STXBP2: variants seen among roughly 807,000 people sequenced by gnomAD.
The protein encoded by STXBP2 is syntaxin-binding protein 2.
STXBP2 carries 47 observed loss-of-function variants against 72.2 expected under a neutral mutation model. The observed-to-expected ratio is 0.65, with a 90% CI of 0.51 to 0.83. The LOEUF is 0.83. Among genes scored for constraint, STXBP2 ranks in the 40% least tolerant of loss-of-function variants. The pLI, the probability that STXBP2 is intolerant of heterozygous loss-of-function variation, is 0.00. For synonymous variants in STXBP2, 367 were observed against 338.7 expected (o/e 1.08, Z -0.92); for missense variants, 702 against 807.6 (o/e 0.87, Z 1.58).
rs372697431 is a variant in STXBP2, at chr19:7,639,835, T to C, written c.246+28T>C. Reference sequence around the variant, plus strand: ...GCCTACATGAGTGAGCGTGTGTGTATGCGCGTGCATGCGTGTACATGTGCA... The same window carrying C: ...GCCTACATGAGTGAGCGTGTGTGTACGCGCGTGCATGCGTGTACATGTGCA... On this transcript the variant is annotated intron_variant, in intron 4 of 18. Coordinates refer to ENST00000221283, the MANE Select transcript of STXBP2 (RefSeq NM_006949.4). 6.7e-5 allele frequency: 107 copies of C among 1,605,296 alleles called. No homozygotes were observed. The African/African-American group carries it at 1.3e-3, about 20-fold the overall frequency.
chr19:7,631,260 G>A, the STXBP2 span: 12 of 1,415,994 alleles, frequency 8.5e-6, no homozygotes, highest in East Asian at 2.8e-4. Context: ...GAGCAGAGGA[G>A]TAGATGGTTT....
intron 12 of STXBP2, 24 bp downstream of exon 12, chr19:7,643,072 G>C: frequency 6.2e-7 from 1 of 1,614,150 alleles, no homozygotes; most frequent in Non-Finnish European, 8.5e-7. Context: ...GGCAGGGAGC[G>C]GGGACACCTC....
intron 17 of STXBP2, 36 bp from the exon 18 acceptor site, chr19:7,647,318 C>G: frequency 6.2e-7 from 1 of 1,612,172 alleles, no homozygotes; most frequent in African/African-American, 1.3e-5. Flanking sequence ...GCGGTGAGGG[C>G]CTCCTGCCTG....
At chr19:7,640,426 G>C (rs113069130) in intron 4 of STXBP2, 4 of 631,990 alleles carry the variant, frequency 6.3e-6, no homozygotes, top group South Asian at 1.6e-5. Flanking sequence ...GTGTGCGCGC[G>C]CATCTGTGTG....
At chr19:7,631,037 C>A in the STXBP2 span, 1 of 792,104 alleles carries the variant, frequency 1.3e-6, no homozygotes, top group East Asian at 2.7e-5. Context: ...GGCGAAACCC[C>A]ATGTCTACAG....
chr19:7,641,471 C>T (rs988371670), intron 6 of STXBP2, among the ~76,000 whole-genome samples: 2 of 152,114 alleles, frequency 1.3e-5, no homozygotes, highest in African/African-American at 4.8e-5. Flanking sequence ...CAGGGGGCAG[C>T]GTAGAGCGCA....
rs771186417 is a variant in STXBP2 at position 7,644,736 on chromosome 19, C to T, written c.1230C>T (p.Tyr410=). The T allele has an allele frequency of 4.3e-5, 69 of 1,613,594 alleles. No homozygotes were observed. The highest frequency in any genetic ancestry group is 5.8e-5 in the Non-Finnish European group (68 of 1,179,846). The change falls in exon 14 of 19, where the codon TAC becomes TAT. Residue 410 remains tyrosine (Y), a synonymous_variant. Transcript: ENST00000221283. The part of the protein sequence containing the change: ...AYDKIRVLLL[Y]ILLRNGVSEE... ...ACAAGATCCGGGTCCTGCTGCTCTA[C>T]ATCCTCCTTCGGAATGGTGGGTGGG... is the stretch of plus-strand genomic sequence containing the variant.
chr19:7,630,026 G>A, the STXBP2 span: 1 of 854,726 alleles, frequency 1.2e-6, no homozygotes, highest in Non-Finnish European at 1.7e-6. Context: ...AGGGGACGCT[G>A]GGCTGGGGGG....
Position 7,641,010 on chromosome 19 carries a change from C to T in STXBP2, c.429+7C>T. The T allele has an allele frequency of 6.2e-7, 1 of 1,613,954 alleles. No homozygotes were observed. The highest frequency in any genetic ancestry group is 8.5e-7 in the Non-Finnish European group (1 of 1,179,906). On this transcript the variant is annotated splice_region_variant and intron_variant, in intron 6 of 18. Coordinates refer to ENST00000221283, the MANE Select transcript of STXBP2 (RefSeq NM_006949.4). Reference sequence around the variant, plus strand: ...CCTCCCCTACGAGGCCCAGGTACGGCCCGGGCTCATCCTGGGCAGGGGGTG... The same window carrying T: ...CCTCCCCTACGAGGCCCAGGTACGGTCCGGGCTCATCCTGGGCAGGGGGTG...
In STXBP2 at chr19:7,638,763, T is replaced by G; in HGVS notation, c.75T>G (p.Asp25Glu). Residue 25 changes from aspartate to glutamate, a missense_variant, in exon 2 of 19, where the codon GAT (aspartate) becomes GAG (glutamate). By Grantham distance (45) the Asp-to-Glu change is conservative. Transcript: ENST00000221283. ...LSGVIRSVKKDGEWKVLIMDH... is the reference protein window; with the variant it reads ...LSGVIRSVKKEGEWKVLIMDH... Reference sequence around the variant, plus strand: ...GAGTTATTCGGAGTGTCAAGAAGGATGGGGAGTGGAAGGTAGGGGTGAGGC... The same window carrying G: ...GAGTTATTCGGAGTGTCAAGAAGGAGGGGGAGTGGAAGGTAGGGGTGAGGC... 1 of 1,613,988 alleles carries G rather than the reference T, an allele frequency of 6.2e-7. No homozygotes were observed. The highest frequency in any genetic ancestry group is 8.5e-7 in the Non-Finnish European group (1 of 1,179,986).
At chr19:7,633,304 C>T, upstream of STXBP2, 1 of 1,202,482 alleles carries the variant, frequency 8.3e-7, no homozygotes, top group Non-Finnish European at 1.2e-6. Context: ...TCAGGGGGTC[C>T]TAGGAGACTC....
rs1023767927 is a variant in STXBP2, at chr19:7,641,181, G to C, written c.429+178G>C. 77 of 705,906 alleles carry C rather than the reference G, an allele frequency of 1.1e-4. 2 individuals are homozygous for C. Among genetic ancestry groups the C allele is most frequent in the Non-Finnish European group, 2.0e-5 (8 of 396,106 alleles). The allele number at this position is 705,906 out of a possible 1,614,324, so 43.7% of individuals were successfully genotyped here. ...GGAGTTTGAGACCAGCCTGGGTACA[G>C]AGCAAGACCCCGTCTCTTAAAAAAA... is the stretch of plus-strand genomic sequence containing the variant. On this transcript the variant is annotated intron_variant, in intron 6 of 18. Coordinates refer to ENST00000221283, the MANE Select transcript of STXBP2 (RefSeq NM_006949.4).
upstream of STXBP2, among the ~76,000 whole-genome samples, chr19:7,634,711 A>G (rs967231240): frequency 3.3e-5 from 5 of 152,184 alleles, no homozygotes; most frequent in African/African-American, 1.2e-4. Context: ...CCAACGTTCC[A>G]GAGGCCACAG....
At chr19:7,640,304 ATGTGTGTGCATC>A (rs753407160) in intron 4 of STXBP2, 4 of 499,894 alleles carry the variant, frequency 8.0e-6, no homozygotes, top group African/African-American at 2.4e-5. Flanking sequence ...GTGTCTATGT[ATGTGTGTGCATC>A]TGTGTGTGCG....
chr19:7,633,240 GCCT>G (rs2031406190), upstream of STXBP2, among the ~76,000 whole-genome samples: 1 of 152,200 alleles, frequency 6.6e-6, no homozygotes, highest in Non-Finnish European at 1.5e-5. Flanking sequence ...CTGCCCTGGG[GCCT>G]GGCACTCAGA....
chr19:7,640,748 C>G lies in STXBP2; in HGVS notation c.264C>G (p.Ile88Met). The G allele has an allele frequency of 6.2e-7, 1 of 1,614,190 alleles. No homozygotes were observed. Among genetic ancestry groups the G allele is most frequent in the African/African-American group, 1.3e-5 (1 of 75,046 alleles). Residue 88 changes from isoleucine (I) to methionine (M), a missense_variant, in exon 5 of 19, where the codon ATC becomes ATG. Coordinates refer to ENST00000221283, the MANE Select transcript of STXBP2 (RefSeq NM_006949.4). ...TTCCCCAGTCGGTTCAGGCCCTGAT[C>G]AAAGACTTCCAGGGGACCCCGACTT... ...SPTEKSVQALIKDFQGTPTFT... is the reference protein window; with the variant it reads ...SPTEKSVQALMKDFQGTPTFT...
At chr19:7,633,198 T>A (rs2031404169), upstream of STXBP2, among the ~76,000 whole-genome samples, 1 of 152,002 alleles carries the variant, frequency 6.6e-6, no homozygotes, top group African/African-American at 2.4e-5. Context: ...GCATCTCCCA[T>A]CAATAGGGGT....
chr19:7,633,330 G>T, upstream of STXBP2: 3 of 1,342,704 alleles, frequency 2.2e-6, no homozygotes, highest in Non-Finnish European at 3.1e-6. Context: ...TTAATTAGGT[G>T]CCCTACAAAC....
rs752422007 is a variant in STXBP2, at chr19:7,642,967, C to T, written c.961-16C>T. ...TTCGCCCCCCAATCCCTACCCTCTTCCCCCTACTTCCCCAGGCGAACATCA... is the reference window on the plus strand; with the variant it reads ...TTCGCCCCCCAATCCCTACCCTCTTTCCCCTACTTCCCCAGGCGAACATCA... On this transcript the variant is annotated splice_polypyrimidine_tract_variant and intron_variant, in intron 11 of 18. Transcript: ENST00000221283. This position sits in a 1 kb window ranked among gnomAD's most constrained non-coding sequence, Gnocchi z 6.0. 5.0e-6 allele frequency: 8 copies of T among 1,614,154 alleles called. No individual in the cohort carries two copies. The highest frequency in any genetic ancestry group is 5.9e-6 in the Non-Finnish European group (7 of 1,180,006).
Sources: allele counts gnomAD v4.1 joint callset (sites outside exome capture counted in the v4.1 genomes callset), GRCh38; gene constraint gnomAD v4.1.1; non-coding constraint Gnocchi (gnomAD v3.1); transcripts MANE v1.5; gene names NCBI Gene and HGNC (gene_info 2026-07-23, HGNC 2026-07-21).